The following NALF1 variants were observed in gnomAD, a reference collection of about 807,000 sequenced individuals.
NALF1 encodes family with sequence similarity 155 member A.
NALF1 carries 3 observed loss-of-function variants against 48.4 expected under a neutral mutation model. That is an observed-to-expected ratio of 0.06 (90% CI 0.03 to 0.16). The LOEUF is 0.16. NALF1 is among the 10% of genes least tolerant of loss of function. NALF1 has a pLI of 1.00. For synonymous variants in NALF1, 262 were observed against 245.7 expected (o/e 1.07, Z -0.62); for missense variants, 526 against 571.5 (o/e 0.92, Z 0.81).
intron 1 of NALF1, among the ~76,000 whole-genome samples, chr13:107,464,302 C>T (rs893487050): frequency 6.6e-6 from 1 of 151,720 alleles, no homozygotes; most frequent in Non-Finnish European, 1.5e-5. Context: ...TATTAATACA[C>T]ATGAAGATGA....
chr13:107,400,550 T>G (rs539793157), intron 1 of NALF1, among the ~76,000 whole-genome samples: 5 of 151,760 alleles, frequency 3.3e-5, no homozygotes, highest in African/African-American at 1.2e-4. Flanking sequence ...CCATCTCTAT[T>G]AAAAATACAC....
rs188284787 is a variant in NALF1, at chr13:107,613,509, T to C, written c.915+252173A>G. On this transcript the variant is annotated intron_variant, in intron 1 of 2. Coordinates refer to ENST00000375915, the MANE Select transcript of NALF1 (RefSeq NM_001080396.3). ...CAACCAATTTACTATCAAAATGGAG[T>C]GATTGAAATTAAAGTATAAGTTTTA... 1.6e-4 allele frequency among the ~76,000 whole-genome samples: 24 copies of C among 152,246 alleles called. No homozygotes were observed. In the Middle Eastern group the frequency reaches 0.014, roughly 87 times the overall value.
In NALF1 at chr13:107,746,146, T is replaced by C. The variant is rs143241529; in HGVS notation, c.915+119536A>G. 7.4e-4 allele frequency among the ~76,000 whole-genome samples: 112 copies of C among 152,320 alleles called. 1 individual carries two copies. The Middle Eastern group carries it at 0.01, about 14-fold the overall frequency. ...AAACAACCAATTTATTGTTAATTTA[T>C]GTATTGTTTTGTGGATAAAGTGAAG... On this transcript the variant is annotated intron_variant, in intron 1 of 2. Transcript: ENST00000375915.
At chr13:107,249,257 A>T (rs539163334) in intron 1 of NALF1, among the ~76,000 whole-genome samples, 1 of 152,130 alleles carries the variant, frequency 6.6e-6, no homozygotes, top group South Asian at 2.1e-4. Flanking sequence ...ATTCAGTCAC[A>T]GTTTTGTACT....
At chr13:107,542,845 C>T (rs1877033770) in intron 1 of NALF1, among the ~76,000 whole-genome samples, 1 of 152,030 alleles carries the variant, frequency 6.6e-6, no homozygotes, top group Non-Finnish European at 1.5e-5. Context: ...TAAAAAGACA[C>T]TATCATTTAT....
rs143934150 is a variant in NALF1 at position 107,866,755 on chromosome 13, C to CCT, written c.-161_-160dup. ...TCTCTCTCTTCCCCTCTCCCTCTCT[C>CCT]CTCTCTCTCTCTCTCCCTCTCCCTC... On this transcript the variant is annotated 5_prime_UTR_variant, in exon 1 of 3. Transcript: ENST00000375915. This position sits in a 1 kb window ranked among gnomAD's most constrained non-coding sequence, Gnocchi z 4.4. 255 of 562,098 alleles carry CCT rather than the reference C, an allele frequency of 4.5e-4. No homozygotes were observed. Among genetic ancestry groups the CCT allele is most frequent in the East Asian group, 8.8e-4 (31 of 35,114 alleles). The allele number at this position is 562,098 out of a possible 1,614,324, so 34.8% of individuals were successfully genotyped here.
rs531269210 is a variant in NALF1 at position 107,356,539 on chromosome 13, C to T, written c.916-145784G>A. On this transcript the variant is annotated intron_variant, in intron 1 of 2. Transcript: ENST00000375915. ...TACAAATTAAGACATTCTATCTATACGATTTTTCTAGTATTTGTTCCATAG... is the reference window on the plus strand; with the variant it reads ...TACAAATTAAGACATTCTATCTATATGATTTTTCTAGTATTTGTTCCATAG... 4.6e-5 allele frequency among the ~76,000 whole-genome samples: 7 copies of T among 152,250 alleles called. No homozygotes were observed. In the East Asian group the frequency reaches 5.8e-4, roughly 13 times the overall value.
intron 1 of NALF1, among the ~76,000 whole-genome samples, chr13:107,345,295 CAG>C (rs1882752521): frequency 6.6e-6 from 1 of 151,964 alleles, no homozygotes; most frequent in Non-Finnish European, 1.5e-5. Flanking sequence ...TTTACAGAAA[CAG>C]AAAAAAATTC....
At chr13:107,524,970 C>T (rs1445698119) in intron 1 of NALF1, among the ~76,000 whole-genome samples, 1 of 151,890 alleles carries the variant, frequency 6.6e-6, no homozygotes, top group Admixed American at 6.6e-5. Flanking sequence ...AAAAAATATC[C>T]CAGGAGACAT....
At chr13:107,825,049 A>AT (rs1879472035) in intron 1 of NALF1, among the ~76,000 whole-genome samples, 2 of 152,200 alleles carry the variant, frequency 1.3e-5, no homozygotes, top group Admixed American at 1.3e-4. Flanking sequence ...AGTATTTTGG[A>AT]TATTTAGAAA....
At position 107,865,993 on chromosome 13, in the gene NALF1, C is replaced by A; in HGVS notation, c.604G>T (p.Gly202Trp). Residue 202 changes from glycine to tryptophan, a missense_variant, in exon 1 of 3, where the codon GGG becomes TGG. Coordinates refer to ENST00000375915, the MANE Select transcript of NALF1 (RefSeq NM_001080396.3). Reference sequence around the variant, plus strand: ...TTGCTCCTCACCTCCTGCCCGTCCCCCCCGGCCGCCCCCCGACTCCAGTTC... The same window carrying A: ...TTGCTCCTCACCTCCTGCCCGTCCCACCCGGCCGCCCCCCGACTCCAGTTC... ...ARNWSRGAAG[G>W]DGQEVRSKHP... is the part of the protein sequence containing the mutation. The A allele has an allele frequency of 6.2e-7, 1 of 1,612,436 alleles. No individual in the cohort carries two copies. Among genetic ancestry groups the A allele is most frequent in the Non-Finnish European group, 8.5e-7 (1 of 1,179,958 alleles).
chr13:107,454,722 A>G (rs1884797233), intron 1 of NALF1, among the ~76,000 whole-genome samples: 1 of 152,176 alleles, frequency 6.6e-6, no homozygotes, highest in South Asian at 2.1e-4. Context: ...AAAAGCTAGA[A>G]ATACTGAGCC....
intron 1 of NALF1, among the ~76,000 whole-genome samples, chr13:107,502,505 A>G (rs952735338): frequency 6.6e-6 from 1 of 152,078 alleles, no homozygotes; most frequent in African/African-American, 2.4e-5. Flanking sequence ...ATGAGAATAT[A>G]CCTCCATGGA....
rs1215885415 is a variant in NALF1, at chr13:107,167,217, ATTGTAG to A, written c.*3274_*3279del. 7.2e-5 allele frequency: 11 copies of A among 152,322 alleles called. No individual in the cohort carries two copies. Among genetic ancestry groups the A allele is most frequent in the Admixed American group, 7.2e-4 (11 of 15,308 alleles). The allele number at this position is 152,322 out of a possible 1,614,324, so 9.4% of individuals were successfully genotyped here. On this transcript the variant is annotated 3_prime_UTR_variant, in exon 3 of 3. Coordinates refer to ENST00000375915, the MANE Select transcript of NALF1 (RefSeq NM_001080396.3). ...TGCTTGCAGAAATAATTATTTTAATATTGTAGTTCATTAGCCAGTATACGGTAGACA... is the reference window on the plus strand; with the variant it reads ...TGCTTGCAGAAATAATTATTTTAATATTCATTAGCCAGTATACGGTAGACA...
At chr13:107,198,366 C>T (rs963566782) in intron 2 of NALF1, among the ~76,000 whole-genome samples, 2 of 152,154 alleles carry the variant, frequency 1.3e-5, no homozygotes, top group African/African-American at 4.8e-5. Context: ...ATAAAATTTA[C>T]AAAAATAATT....
intron 1 of NALF1, among the ~76,000 whole-genome samples, chr13:107,300,917 GGT>G (rs1374544260): frequency 1.3e-5 from 2 of 152,066 alleles, no homozygotes; most frequent in Non-Finnish European, 2.9e-5. Context: ...TCAAAATTCA[GGT>G]GTTGTTAAAT....
chr13:107,774,795 G>T (rs1007094196), intron 1 of NALF1, among the ~76,000 whole-genome samples: 1 of 152,054 alleles, frequency 6.6e-6, no homozygotes, highest in Non-Finnish European at 1.5e-5. Flanking sequence ...CTATGAAGGA[G>T]CTGAAACCCT....
intron 1 of NALF1, among the ~76,000 whole-genome samples, chr13:107,576,544 C>A (rs1034587832): frequency 3.3e-5 from 5 of 152,128 alleles, no homozygotes. Flanking sequence ...AAAATAGTTA[C>A]CACTCTTGTG....
At chr13:107,713,086 C>T (rs993467297) in intron 1 of NALF1, among the ~76,000 whole-genome samples, 3 of 152,150 alleles carry the variant, frequency 2.0e-5, no homozygotes, top group African/African-American at 7.2e-5. Context: ...GACCCACATC[C>T]ACAGGTCAGA....
Sources: allele counts gnomAD v4.1 joint callset (sites outside exome capture counted in the v4.1 genomes callset), GRCh38; gene constraint gnomAD v4.1.1; non-coding constraint Gnocchi (gnomAD v3.1); transcripts MANE v1.5; gene names NCBI Gene and HGNC (gene_info 2026-07-23, HGNC 2026-07-21).